The following P2RY8 variants were observed in gnomAD, a reference collection of about 807,000 sequenced individuals.
P2RY8 encodes S-geranylgeranyl-glutathione receptor P2RY8.
P2RY8 carries 6 observed loss-of-function variants against 10.0 expected under a neutral mutation model. The observed-to-expected ratio is 0.60, with a 90% CI of 0.33 to 1.19. P2RY8 has a LOEUF of 1.19. Among genes scored for constraint, P2RY8 ranks in the 50% most tolerant of loss-of-function variants. The pLI is 0.04. For missense variants in P2RY8, 456 were observed against 542.0 expected, an observed-to-expected ratio of 0.84 and a Z score of 1.58; for synonymous variants, 276 against 252.5, an observed-to-expected ratio of 1.09 and a Z score of -0.88.
chrX:1,483,461 C>A (rs1239577143), intron 1 of P2RY8, among the ~76,000 whole-genome samples: 4 of 152,064 alleles, frequency 2.6e-5, no homozygotes, highest in African/African-American at 7.2e-5. Context: ...ATGGAGAAAC[C>A]CCATCTCTAC....
Position 1,464,241 on chromosome X carries a change from C to T in P2RY8, c.*1238G>A, listed in dbSNP as rs2091629279. On this transcript the variant is annotated 3_prime_UTR_variant, in exon 2 of 2. Transcript: ENST00000381297. ...TCCAATTCCACGTGATGTCCCAGCACCCCTGGAGAGTCAGAGCTCTTCTTT... is the reference window on the plus strand; with the variant it reads ...TCCAATTCCACGTGATGTCCCAGCATCCCTGGAGAGTCAGAGCTCTTCTTT... 1 of 233,420 alleles carries T rather than the reference C, an allele frequency of 4.3e-6. No homozygotes were observed. Among genetic ancestry groups the T allele is most frequent in the Non-Finnish European group, 8.5e-6 (1 of 118,126 alleles). The allele number at this position is 233,420 out of a possible 1,614,324, so 14.5% of individuals were successfully genotyped here.
chrX:1,521,540 T>C (rs558075000), intron 1 of P2RY8, among the ~76,000 whole-genome samples: 29 of 152,276 alleles, frequency 1.9e-4, no homozygotes, highest in African/African-American at 7.0e-4. Flanking sequence ...ACTGTCACCC[T>C]GGCATCAGCA....
chrX:1,531,198 C>T (rs183923825), intron 1 of P2RY8, among the ~76,000 whole-genome samples: 3 of 152,202 alleles, frequency 2.0e-5, no homozygotes, highest in African/African-American at 7.2e-5. Flanking sequence ...CTGATTGTCA[C>T]AACTGTGGGT....
chrX:1,513,745 TG>T (rs1422936656), intron 1 of P2RY8, among the ~76,000 whole-genome samples: 1 of 140,362 alleles, frequency 7.1e-6, no homozygotes, highest in Non-Finnish European at 1.6e-5. Flanking sequence ...CAGTTCCTTC[TG>T]GGAGGCTCTA....
At chrX:1,496,691 T>C (rs555900852) in intron 1 of P2RY8, among the ~76,000 whole-genome samples, 34 of 151,038 alleles carry the variant, frequency 2.3e-4, no homozygotes, top group East Asian at 9.9e-4. Context: ...TGGGAGTTTT[T>C]TTTCTTTCTT....
intron 1 of P2RY8, among the ~76,000 whole-genome samples, chrX:1,534,038 T>C (rs2092503918): frequency 8.0e-6 from 1 of 124,714 alleles, no homozygotes; most frequent in Admixed American, 8.7e-5. Flanking sequence ...TATACTTATC[T>C]ATTTATTATT....
chrX:1,498,405 CAAA>C (rs1175667773), intron 1 of P2RY8, among the ~76,000 whole-genome samples: 4 of 70,602 alleles, frequency 5.7e-5, no homozygotes, highest in East Asian at 3.1e-4. Flanking sequence ...GACTCTGTCT[CAAA>C]AAAAAAAAAA....
At chrX:1,484,724 T>TAAAAAAAAAAAAAAAAAAA (rs1171758279) in intron 1 of P2RY8, among the ~76,000 whole-genome samples, 3 of 16,790 alleles carry the variant, frequency 1.8e-4, no homozygotes, top group African/African-American at 3.4e-4. Context: ...CAAAACCCTG[T>TAAAAAAAAAAAAAAAAAAA]AAAAAAAAAA....
intron 1 of P2RY8, among the ~76,000 whole-genome samples, chrX:1,515,342 C>T (rs1207680038): frequency 6.6e-6 from 1 of 151,572 alleles, no homozygotes; most frequent in Non-Finnish European, 1.5e-5. Context: ...GTGCAAACAC[C>T]TCCGCAGTCT....
chrX:1,515,142 C>T (rs1390652484), intron 1 of P2RY8, among the ~76,000 whole-genome samples: 1 of 150,230 alleles, frequency 6.7e-6, no homozygotes, highest in Non-Finnish European at 1.5e-5. Context: ...AACTCCTAAC[C>T]TCAAACAATC....
intron 1 of P2RY8, among the ~76,000 whole-genome samples, chrX:1,525,619 G>GCATCCATCCATTCATCCATT (rs1556686300): frequency 5.3e-5 from 8 of 151,928 alleles, no homozygotes; most frequent in African/African-American, 1.9e-4. Context: ...ACTCAATCAT[G>GCATCCATCCATTCATCCATT]CATCCATCCA....
chrX:1,515,623 G>A lies in P2RY8; in HGVS notation c.-25+21298C>T, dbSNP rs1320528559. ...TGACCTCACGTGATCCACCCGCCTC[G>A]GCCTCCCAAAGTGCTGGGATTACAG... On this transcript the variant is annotated intron_variant, in intron 1 of 1. Transcript: ENST00000381297. Among the ~76,000 whole-genome samples the A allele has an allele frequency of 3.2e-4, 49 of 151,388 alleles. 1 individual carries two copies. The highest frequency in any genetic ancestry group is 7.9e-4 in the Admixed American group (12 of 15,200).
chrX:1,507,616 G>A (rs1277057405), intron 1 of P2RY8, among the ~76,000 whole-genome samples: 1 of 152,072 alleles, frequency 6.6e-6, no homozygotes, highest in African/African-American at 2.4e-5. Context: ...GACGGCACCC[G>A]GTCACAGCAC....
intron 1 of P2RY8, among the ~76,000 whole-genome samples, chrX:1,498,948 C>T (rs9697819): frequency 0.48 from 72,067 of 150,052 alleles, 18,210 homozygotes; most frequent in Non-Finnish European, 0.58. Context: ...GATTCTCCTG[C>T]CTCAGCCTCC....
At chrX:1,492,018 A>C (rs1179633059) in intron 1 of P2RY8, among the ~76,000 whole-genome samples, 1 of 152,178 alleles carries the variant, frequency 6.6e-6, no homozygotes, top group Non-Finnish European at 1.5e-5. Context: ...CCAGCTTGCT[A>C]CTGGCCCTGA....
intron 1 of P2RY8, among the ~76,000 whole-genome samples, chrX:1,483,311 T>C (rs2091956626): frequency 6.6e-6 from 1 of 151,890 alleles, no homozygotes; most frequent in Admixed American, 6.6e-5. Context: ...AAAGCTGGGC[T>C]CCCTTAGATC....
chrX:1,497,438 G>T lies in P2RY8; in HGVS notation c.-24-30856C>A, dbSNP rs776733703. 2.0e-5 allele frequency among the ~76,000 whole-genome samples: 3 copies of T among 151,602 alleles called. No individual in the cohort carries two copies. The East Asian group carries it at 5.9e-4, about 30-fold the overall frequency. ...TTTGGGAGGCCGAGGTGGGCAGATCGCCTGAGGTTGGGAGTTTGAGACCAG... is the reference window on the plus strand; with the variant it reads ...TTTGGGAGGCCGAGGTGGGCAGATCTCCTGAGGTTGGGAGTTTGAGACCAG... On this transcript the variant is annotated intron_variant, in intron 1 of 1. Transcript: ENST00000381297.
chrX:1,505,987 CTTTTTTTTT>C (rs542485545), intron 1 of P2RY8, among the ~76,000 whole-genome samples: 15 of 108,836 alleles, frequency 1.4e-4, no homozygotes, highest in Admixed American at 2.0e-4. Context: ...TTTCTTTCTT[CTTTTTTTTT>C]TTTTTTTTTT....
chrX:1,469,227 G>A (rs1243408989), intron 1 of P2RY8, among the ~76,000 whole-genome samples: 2 of 146,246 alleles, frequency 1.4e-5, no homozygotes, highest in African/African-American at 5.1e-5. Flanking sequence ...GCAATGGCGT[G>A]ATCTCGGCTC....
Sources: allele counts gnomAD v4.1 joint callset (sites outside exome capture counted in the v4.1 genomes callset), GRCh38; gene constraint gnomAD v4.1.1; transcripts MANE v1.5; gene names NCBI Gene and HGNC (gene_info 2026-07-23, HGNC 2026-07-21).